The following TMEM40 variants were observed in gnomAD, a reference collection of about 807,000 sequenced individuals.
The protein encoded by TMEM40 is transmembrane protein 40.
A neutral mutation model predicts 40.8 loss-of-function variants in TMEM40; 34 were observed. The observed-to-expected ratio is 0.83, with a 90% CI of 0.63 to 1.11. The LOEUF (loss-of-function observed/expected upper bound fraction) is 1.11. Among genes scored for constraint, TMEM40 ranks in the 50% least tolerant of loss-of-function variants. TMEM40 has a pLI of 0.00. For missense variants in TMEM40, 296 were observed against 280.2 expected (o/e 1.06, Z -0.40); for synonymous variants, 106 against 107.0 (o/e 0.99, Z 0.06).
intron 8 of TMEM40, 97 bp downstream of exon 8, chr3:12,737,610 G>A (rs376140812): frequency 1.8e-6 from 2 of 1,093,050 alleles, no homozygotes. Context: ...GACAGAGGTG[G>A]GCTATGATTA....
rs766488618 is a variant in TMEM40 at position 12,735,590 on chromosome 3, C to T, written c.647G>A (p.Gly216Asp). 2 of 1,613,386 alleles carry T rather than the reference C, an allele frequency of 1.2e-6. No individual in the cohort carries two copies. Among genetic ancestry groups the T allele is most frequent in the Non-Finnish European group, 1.7e-6 (2 of 1,179,822 alleles). Residue 216 changes from glycine (G) to aspartate (D), a missense_variant, in exon 11 of 12, where the codon GGC becomes GAC. By Grantham distance (94) the Gly-to-Asp change is moderately conservative. Transcript: ENST00000314124. ...LVYRIHSVLQGFIPLFQKFRL... is the reference protein window; with the variant it reads ...LVYRIHSVLQDFIPLFQKFRL... ...AAACTTCTGGAAGAGGGGGATGAAG[C>T]CTTGGAGGACGCTGTGGATACGGTA...
chr3:12,754,899 G>C (rs969858276), intron 1 of TMEM40, among the ~76,000 whole-genome samples: 1 of 152,182 alleles, frequency 6.6e-6, no homozygotes, highest in African/African-American at 2.4e-5. Flanking sequence ...GAAGTCACCA[G>C]AGAAGTTGCC....
chr3:12,764,382 G>A (rs1181193625), intron 1 of TMEM40, among the ~76,000 whole-genome samples: 1 of 152,032 alleles, frequency 6.6e-6, no homozygotes, highest in African/African-American at 2.4e-5. Context: ...CACGTGGCTG[G>A]GAAGTGGCTG....
intron 1 of TMEM40, among the ~76,000 whole-genome samples, 180 bp downstream of exon 1, chr3:12,759,011 T>A (rs1328148984): frequency 6.6e-6 from 1 of 152,096 alleles, no homozygotes; most frequent in African/African-American, 2.4e-5. Flanking sequence ...TGAATATTTG[T>A]CATCCTCCCC....
At chr3:12,747,140 T>C (rs2061435213) in intron 3 of TMEM40, among the ~76,000 whole-genome samples, 1 of 151,860 alleles carries the variant, frequency 6.6e-6, no homozygotes, top group Non-Finnish European at 1.5e-5. Context: ...TTTGTGGCTT[T>C]GGGCCTTGGT....
intron 5 of TMEM40, 133 bp from the exon 6 acceptor site, chr3:12,738,721 G>A (rs531966072): frequency 5.5e-6 from 5 of 903,524 alleles, no homozygotes; most frequent in South Asian, 2.9e-5. Context: ...GAATGGAGCC[G>A]GCTGGAGGGT....
chr3:12,756,610 C>T (rs2061529454), intron 1 of TMEM40, among the ~76,000 whole-genome samples: 1 of 152,148 alleles, frequency 6.6e-6, no homozygotes. Flanking sequence ...AAAATTCTTT[C>T]CCTGGCTCGC....
chr3:12,764,287 A>C (rs1352760862), intron 1 of TMEM40, among the ~76,000 whole-genome samples: 1 of 152,186 alleles, frequency 6.6e-6, no homozygotes, highest in Non-Finnish European at 1.5e-5. Context: ...GCATCTATTA[A>C]ATTAACTCTA....
At chr3:12,756,264 T>C (rs946084036) in intron 1 of TMEM40, among the ~76,000 whole-genome samples, 1 of 152,212 alleles carries the variant, frequency 6.6e-6, no homozygotes, top group Non-Finnish European at 1.5e-5. Flanking sequence ...TTGAAATTCA[T>C]TCTGGGCGTA....
At chr3:12,738,862 G>T (rs2061359580) in intron 5 of TMEM40, 4 of 435,326 alleles carry the variant, frequency 9.2e-6, no homozygotes, top group Non-Finnish European at 8.5e-6. Context: ...TCCCAATTAT[G>T]AAAAAGTTTG....
In TMEM40 at chr3:12,742,467, A is replaced by T. The variant is rs769936195; in HGVS notation, c.342T>A (p.Leu114=). Residue 114 remains leucine (L), a synonymous_variant, in exon 5 of 12, where the codon CTT becomes CTA. Coordinates refer to ENST00000314124, the MANE Select transcript of TMEM40 (RefSeq NM_018306.4). The stretch of plus-strand genomic sequence containing the variant: ...GCAACTGATTACCTCCATAGAGTTG[A>T]AGCTCATCCTTCAAAACGTCAGGCT... The part of the protein sequence containing the change: ...HGEPDVLKDE[L]QLYGDAPGEV... 6.2e-7 allele frequency: 1 copy of T among 1,613,984 alleles called. No homozygotes were observed. Among genetic ancestry groups the T allele is most frequent in the South Asian group, 1.1e-5 (1 of 91,058 alleles).
chr3:12,736,630 G>C lies in TMEM40; in HGVS notation c.567C>G (p.Val189=). ...YYADWFMSLG[V]GLLTFASLET... is the part of the protein sequence containing the mutation. The stretch of plus-strand genomic sequence containing the variant: ...CCAGGGAGGCGAAGGTGAGCAGGCC[G>C]ACCCCAAGAGACATGAACCAGTCTG... Residue 189 remains valine, a synonymous_variant, in exon 10 of 12, where the codon GTC becomes GTG. Coordinates refer to ENST00000314124, the MANE Select transcript of TMEM40 (RefSeq NM_018306.4). 1 of 1,588,696 alleles carries C rather than the reference G, an allele frequency of 6.3e-7. No individual in the cohort carries two copies. The highest frequency in any genetic ancestry group is 8.6e-7 in the Non-Finnish European group (1 of 1,167,420).
chr3:12,755,248 TTTCTTTC>T, intron 1 of TMEM40, among the ~76,000 whole-genome samples: 1 of 111,388 alleles, frequency 9.0e-6, no homozygotes, highest in South Asian at 2.6e-4. Context: ...TCTTTCTTTC[TTTCTTTC>T]TTTCTTTCTT....
At chr3:12,766,508 T>G (rs910036073) in intron 1 of TMEM40, among the ~76,000 whole-genome samples, 2 of 148,986 alleles carry the variant, frequency 1.3e-5, no homozygotes, top group Non-Finnish European at 3.0e-5. Flanking sequence ...GGCAGGAGAA[T>G]GGCATGAACC....
chr3:12,736,297 C>A (rs147216464), intron 10 of TMEM40, among the ~76,000 whole-genome samples: 1 of 152,018 alleles, frequency 6.6e-6, no homozygotes, highest in Non-Finnish European at 1.5e-5. Context: ...TACAGACATG[C>A]GCCACCAGGC....
At chr3:12,768,564 T>A (rs899433030) in intron 1 of TMEM40, among the ~76,000 whole-genome samples, 4 of 152,056 alleles carry the variant, frequency 2.6e-5, no homozygotes, top group Non-Finnish European at 4.4e-5. Context: ...AGATACAGAG[T>A]GCCGACTGGT....
At chr3:12,757,586 C>T (rs1313330302) in intron 1 of TMEM40, among the ~76,000 whole-genome samples, 1 of 152,062 alleles carries the variant, frequency 6.6e-6, no homozygotes, top group East Asian at 1.9e-4. Context: ...GACATACAGA[C>T]ACTAACAAGT....
upstream of TMEM40, among the ~76,000 whole-genome samples, chr3:12,761,674 C>T (rs116240842): frequency 1.3e-3 from 191 of 151,670 alleles, 1 homozygote; most frequent in African/African-American, 4.5e-3. Context: ...GGTGGAGAAG[C>T]TGTGAGGATC....
At chr3:12,756,798 T>TA (rs2106621569) in intron 1 of TMEM40, among the ~76,000 whole-genome samples, 1 of 151,894 alleles carries the variant, frequency 6.6e-6, no homozygotes, top group African/African-American at 2.4e-5. Context: ...TCTCTATCTC[T>TA]TTCTCTCTCT....
Sources: gnomAD v4.1 joint callset for allele counts (sites outside exome capture counted in the v4.1 genomes callset) on GRCh38, gnomAD v4.1.1 for gene constraint, MANE v1.5 for transcripts, NCBI Gene and HGNC (gene_info 2026-07-23, HGNC 2026-07-21) for gene names.